Variants in CFAP20DC observed in about 807,000 individuals in gnomAD.
The protein encoded by CFAP20DC is CFAP20 domain containing.
In CFAP20DC, 84 loss-of-function variants were observed where a neutral mutation model predicts 101.7. That is an observed-to-expected ratio of 0.83 (90% confidence interval 0.69 to 0.99). The LOEUF (loss-of-function observed/expected upper bound fraction) is 0.99, where lower values mean the gene tolerates loss of function less well. Among genes scored for constraint, CFAP20DC ranks in the 50% least tolerant of loss-of-function variants. The pLI is 0.00. For missense variants in CFAP20DC, 1,007 were observed against 970.3 expected (o/e 1.04, Z -0.50); for synonymous variants, 359 against 351.2 (o/e 1.02, Z -0.25).
At chr3:58,842,597 G>A (rs922685089) in intron 13 of CFAP20DC, among the ~76,000 whole-genome samples, 2 of 152,176 alleles carry the variant, frequency 1.3e-5, no homozygotes, top group Admixed American at 1.3e-4. Context: ...AGGGGCGCCC[G>A]CCATTGCCCA....
intron 16 of CFAP20DC, among the ~76,000 whole-genome samples, chr3:58,747,126 A>C (rs954097719): frequency 1.3e-5 from 2 of 152,348 alleles, no homozygotes; most frequent in African/African-American, 4.8e-5. Context: ...TACTAGACTA[A>C]GAGCATCTGG....
Position 58,988,180 on chromosome 3 carries a change from G to A in CFAP20DC, c.279-50418C>T, listed in dbSNP as rs2092815054. Among the ~76,000 whole-genome samples the A allele has an allele frequency of 2.0e-5, 3 of 152,090 alleles. No individual in the cohort carries two copies. In the South Asian group the frequency reaches 6.2e-4, roughly 32 times the overall value. On this transcript the variant is annotated intron_variant, in intron 4 of 16. Coordinates refer to ENST00000482387, the MANE Select transcript of CFAP20DC (RefSeq NM_001394063.1). The stretch of plus-strand genomic sequence containing the variant: ...TGTAATGTCATCCATGACATTAACA[G>A]ACTAAAATCAAAAACATATGATCAA...
intron 15 of CFAP20DC, among the ~76,000 whole-genome samples, chr3:58,754,448 G>C (rs1453275853): frequency 4.6e-5 from 7 of 152,142 alleles, no homozygotes; most frequent in Admixed American, 3.3e-4. Context: ...TCCTCTCGTA[G>C]ATACCTGGGG....
intron 14 of CFAP20DC, among the ~76,000 whole-genome samples, chr3:58,818,059 G>C (rs1263517672): frequency 6.6e-6 from 1 of 150,502 alleles, no homozygotes; most frequent in Non-Finnish European, 1.5e-5. Context: ...AAGTGAAGGA[G>C]AAATAAAATA....
rs1190150728 is a variant in CFAP20DC, at chr3:58,831,677, G to C, written c.2175+9C>G. On this transcript the variant is annotated intron_variant, in intron 14 of 16. Transcript: ENST00000482387. ...GCAATGAGAGGAAGCTGCAAAGCCA[G>C]GGACTCACGGGTGGCAGGCAGGAGT... 6.2e-7 allele frequency: 1 copy of C among 1,612,676 alleles called. No individual in the cohort carries two copies. The highest frequency in any genetic ancestry group is 2.2e-5 in the East Asian group (1 of 44,870).
chr3:59,037,172 C>G (rs909743879), intron 4 of CFAP20DC, among the ~76,000 whole-genome samples: 1 of 151,370 alleles, frequency 6.6e-6, no homozygotes, highest in South Asian at 2.1e-4. Context: ...TAAAACCATA[C>G]AAACCCTAGA....
chr3:58,804,568 G>A (rs1317638699), intron 15 of CFAP20DC, among the ~76,000 whole-genome samples: 2 of 151,970 alleles, frequency 1.3e-5, no homozygotes, highest in African/African-American at 2.4e-5. Context: ...TCACCATGTT[G>A]GCTAGTCTTG....
chr3:58,872,379 T>C (rs1277355621), intron 7 of CFAP20DC, among the ~76,000 whole-genome samples: 1 of 141,500 alleles, frequency 7.1e-6, no homozygotes, highest in Non-Finnish European at 1.5e-5. Flanking sequence ...TGCATCAGTC[T>C]TAAAAAAAAA....
chr3:58,863,578 C>T lies in CFAP20DC; in HGVS notation c.1573G>A (p.Gly525Ser), dbSNP rs369398734. Residue 525 changes from glycine to serine, a missense_variant, in exon 12 of 17, where the codon GGC becomes AGC. Transcript: ENST00000482387. The surrounding 1 kb of genome is among the most constrained non-coding windows in gnomAD (Gnocchi z 5.9). ...RDTQSEDDFY[G>S]GDSSEEGNHS... Reference sequence around the variant, plus strand: ...TGTACCTCTTCACTGCTGTCGCCGCCGTAAAAATCATCCTCTGATTGGGTG... The same window carrying T: ...TGTACCTCTTCACTGCTGTCGCCGCTGTAAAAATCATCCTCTGATTGGGTG... 154 of 1,614,080 alleles carry T rather than the reference C, an allele frequency of 9.5e-5. No individual in the cohort carries two copies. In the East Asian group the frequency reaches 1.3e-3, roughly 14 times the overall value.
intron 4 of CFAP20DC, among the ~76,000 whole-genome samples, chr3:58,954,690 G>A (rs2090463451): frequency 6.6e-6 from 1 of 152,120 alleles, no homozygotes; most frequent in Non-Finnish European, 1.5e-5. Context: ...CCCTTCTGCT[G>A]AAGTTTAAAT....
chr3:58,797,046 CCT>C (rs1375342323), intron 15 of CFAP20DC, among the ~76,000 whole-genome samples: 1 of 152,124 alleles, frequency 6.6e-6, no homozygotes, highest in African/African-American at 2.4e-5. Context: ...CTACCTATTC[CCT>C]GAGGCACAGC....
intron 4 of CFAP20DC, among the ~76,000 whole-genome samples, chr3:59,038,519 A>G (rs544288414): frequency 6.6e-6 from 1 of 152,306 alleles, no homozygotes; most frequent in South Asian, 2.1e-4. Context: ...TTACAAATTG[A>G]AGGTTTGTAG....
chr3:58,775,396 C>T (rs1049426519), intron 15 of CFAP20DC, among the ~76,000 whole-genome samples: 2 of 151,998 alleles, frequency 1.3e-5, no homozygotes, highest in South Asian at 2.1e-4. Context: ...TTTTCCTTAG[C>T]GATTTTGGGG....
In CFAP20DC at chr3:58,863,565, C is replaced by T. The variant is rs34322986; in HGVS notation, c.1586G>A (p.Ser529Asn). Residue 529 changes from serine (S) to asparagine (N), a missense_variant, in exon 12 of 17, where the codon AGT becomes AAT. Ser to Asn is a conservative substitution (Grantham distance 46). Transcript: ENST00000482387. This position sits in a 1 kb window ranked among gnomAD's most constrained non-coding sequence, Gnocchi z 5.9. ...SEDDFYGGDSSEEGNHSIQGS... is the reference protein window; with the variant it reads ...SEDDFYGGDSNEEGNHSIQGS... Reference sequence around the variant, plus strand: ...ACTTATCAAGCAGTGTACCTCTTCACTGCTGTCGCCGCCGTAAAAATCATC... The same window carrying T: ...ACTTATCAAGCAGTGTACCTCTTCATTGCTGTCGCCGCCGTAAAAATCATC... 13,319 of 1,613,922 alleles carry T rather than the reference C, an allele frequency of 8.3e-3. 949 individuals are homozygous for T. In the African/African-American group the frequency reaches 0.15, roughly 19 times the overall value.
At chr3:58,815,551 T>G (rs535698549) in intron 14 of CFAP20DC, among the ~76,000 whole-genome samples, 1 of 150,886 alleles carries the variant, frequency 6.6e-6, no homozygotes, top group African/African-American at 2.4e-5. Context: ...CAAAAGAAAC[T>G]ACCATCAGAG....
rs571349614 is a variant in CFAP20DC at position 58,791,006 on chromosome 3, G to T, written c.2237+15389C>A. On this transcript the variant is annotated intron_variant, in intron 15 of 16. Coordinates refer to ENST00000482387, the MANE Select transcript of CFAP20DC (RefSeq NM_001394063.1). ...ATCAATGGGAAGAAGCTATAGAGAAGCCTACATCAGCTCAGTATAAGGAAG... is the reference window on the plus strand; with the variant it reads ...ATCAATGGGAAGAAGCTATAGAGAATCCTACATCAGCTCAGTATAAGGAAG... 6.8e-4 allele frequency among the ~76,000 whole-genome samples: 104 copies of T among 152,222 alleles called. No individual in the cohort carries two copies. The Middle Eastern group carries it at 0.01, about 15-fold the overall frequency.
At chr3:58,933,314 A>G (rs1161592708) in intron 5 of CFAP20DC, among the ~76,000 whole-genome samples, 1 of 151,532 alleles carries the variant, frequency 6.6e-6, no homozygotes, top group Non-Finnish European at 1.5e-5. Flanking sequence ...CTCCCACACA[A>G]TAATAATGGG....
At chr3:59,042,839 G>A (rs796233654) in intron 3 of CFAP20DC, among the ~76,000 whole-genome samples, 6 of 152,266 alleles carry the variant, frequency 3.9e-5, no homozygotes, top group African/African-American at 1.2e-4. Context: ...ACCAAGAAGT[G>A]ATCAGACTCT....
At chr3:58,781,650 T>G (rs2071838646) in intron 15 of CFAP20DC, among the ~76,000 whole-genome samples, 1 of 152,040 alleles carries the variant, frequency 6.6e-6, no homozygotes, top group Admixed American at 6.6e-5. Flanking sequence ...GAGACTATTA[T>G]GAACAACTAT....
Sources: allele counts gnomAD v4.1 joint callset (sites outside exome capture counted in the v4.1 genomes callset), GRCh38; gene constraint gnomAD v4.1.1; non-coding constraint Gnocchi (gnomAD v3.1); transcripts MANE v1.5; gene names NCBI Gene and HGNC (gene_info 2026-07-23, HGNC 2026-07-21).